The following ADORA2A variants were observed in gnomAD, a reference collection of about 807,000 sequenced individuals.
ADORA2A encodes the protein adenosine A2a receptor, also known as adenosine receptor A2a.
ADORA2A carries 11 observed loss-of-function variants against 18.4 expected under a neutral mutation model. That is an observed-to-expected ratio of 0.60 (90% CI 0.38 to 0.99). The LOEUF (loss-of-function observed/expected upper bound fraction) is 0.99, where lower values mean the gene tolerates loss of function less well. Ranked by LOEUF, ADORA2A falls within the 50% of genes least tolerant of loss-of-function variation. The pLI, the probability that ADORA2A is intolerant of heterozygous loss-of-function variation, is 0.01. For missense variants in ADORA2A, 449 were observed against 556.1 expected, an observed-to-expected ratio of 0.81 and a Z score of 1.94; for synonymous variants, 218 against 237.3, an observed-to-expected ratio of 0.92 and a Z score of 0.75.
At position 24,433,395 on chromosome 22, in the gene ADORA2A, G is replaced by A. The variant is rs767402407; in HGVS notation, c.-10G>A. 55 of 1,604,252 alleles carry A rather than the reference G, an allele frequency of 3.4e-5. No individual in the cohort carries two copies. Among genetic ancestry groups the A allele is most frequent in the African/African-American group, 1.7e-4 (13 of 74,630 alleles). On this transcript the variant is annotated 5_prime_UTR_variant, in exon 2 of 3. Transcript: ENST00000337539. ...CGCGTCCGTGCTGAGCCTGCCTGTC[G>A]TCTGTGGCCATGCCCATCATGGGCT...
Position 24,441,097 on chromosome 22 carries a change from G to T in ADORA2A, c.847G>T (p.Val283Leu). 6.2e-7 allele frequency: 1 copy of T among 1,614,166 alleles called. No individual in the cohort carries two copies. Among genetic ancestry groups the T allele is most frequent in the Non-Finnish European group, 8.5e-7 (1 of 1,180,040 alleles). Reference sequence around the variant, plus strand: ...CGTCCTCTCCCACACCAATTCGGTTGTGAATCCCTTCATCTACGCCTACCG... The same window carrying T: ...CGTCCTCTCCCACACCAATTCGGTTTTGAATCCCTTCATCTACGCCTACCG... ...AIVLSHTNSV[V>L]NPFIYAYRIR... The change falls in exon 3 of 3, where the codon GTG becomes TTG. Residue 283 changes from valine (V) to leucine (L), a missense_variant. By Grantham distance (32) the Val-to-Leu change is conservative (BLOSUM62 1). Transcript: ENST00000337539.
intron 2 of ADORA2A, among the ~76,000 whole-genome samples, chr22:24,436,455 TCAGGGAACCTGTTGGGCTAGCA>T (rs1391936435): frequency 1.3e-5 from 2 of 152,226 alleles, no homozygotes; most frequent in Non-Finnish European, 2.9e-5. Context: ...TTTTCCAAGT[TCAGGGAACCTGTTGGGCTAGCA>T]CAGGGCCTAG....
Position 24,441,798 on chromosome 22 carries a change from TC to T in ADORA2A, c.*310del, listed in dbSNP as rs2043350783. The stretch of plus-strand genomic sequence containing the variant: ...AGAAGCATCTGGAAGCACCACCTTG[TC>T]TCCACAGAGCAGCTTGGGCACAGCA... On this transcript the variant is annotated 3_prime_UTR_variant, in exon 3 of 3. Transcript: ENST00000337539. The T allele has an allele frequency of 7.6e-6, 2 of 263,412 alleles. No individual in the cohort carries two copies. Among genetic ancestry groups the T allele is most frequent in the Non-Finnish European group, 1.5e-5 (2 of 137,210 alleles). 16.3% of individuals were successfully genotyped at this position (263,412 alleles called of 1,614,324 possible).
At chr22:24,425,384 G>A (rs933173125), upstream of ADORA2A, among the ~76,000 whole-genome samples, 1 of 136,454 alleles carries the variant, frequency 7.3e-6, no homozygotes, top group Non-Finnish European at 1.5e-5. Context: ...TGGCAGGGGC[G>A]CCTCACAGGC....
Position 24,441,458 on chromosome 22 carries a change from C to A in ADORA2A, c.1208C>A (p.Pro403His). Residue 403 changes from proline (P) to histidine (H), a missense_variant, in exon 3 of 3, where the codon CCC (proline) becomes CAC (histidine). Transcript: ENST00000337539. Reference sequence around the variant, plus strand: ...CCAGAGCCCCCTGGCCTAGATGACCCCCTGGCCCAGGATGGAGCAGGAGTG... The same window carrying A: ...CCAGAGCCCCCTGGCCTAGATGACCACCTGGCCCAGGATGGAGCAGGAGTG... ...VCPEPPGLDD[P>H]LAQDGAGVS 1.3e-6 allele frequency: 2 copies of A among 1,518,648 alleles called. No individual in the cohort carries two copies. The highest frequency in any genetic ancestry group is 1.8e-6 in the Non-Finnish European group (2 of 1,135,432). The allele number at this position is 1,518,648 out of a possible 1,614,324, so 94.1% of individuals were successfully genotyped here. A position where few individuals can be genotyped will look rare whatever the true frequency, so the allele number is the denominator to read the frequency against.
upstream of ADORA2A, chr22:24,423,778 T>G (rs2042885560): frequency 6.6e-6 from 1 of 151,962 alleles, no homozygotes; most frequent in Non-Finnish European, 1.5e-5. Context: ...CAGGATCGCC[T>G]GCGGGCCTCG....
chr22:24,441,418 C>A lies in ADORA2A; in HGVS notation c.1168C>A (p.Leu390Ile). The A allele has an allele frequency of 6.5e-7, 1 of 1,539,152 alleles. No individual in the cohort carries two copies. Among genetic ancestry groups the A allele is most frequent in the Non-Finnish European group, 8.7e-7 (1 of 1,145,856 alleles). Reference protein sequence around the residue: ...LPDVELLSHELKGVCPEPPGL... With the variant: ...LPDVELLSHEIKGVCPEPPGL... ...AGACGTGGAGCTCCTTAGCCATGAG[C>A]TCAAGGGAGTGTGCCCAGAGCCCCC... The change falls in exon 3 of 3, where the codon CTC becomes ATC. Residue 390 changes from leucine (L) to isoleucine (I), a missense_variant. Leu to Ile is a conservative substitution (Grantham distance 5). Transcript: ENST00000337539.
intron 2 of ADORA2A, among the ~76,000 whole-genome samples, chr22:24,436,813 G>A (rs1315368656): frequency 6.6e-6 from 1 of 152,150 alleles, no homozygotes; most frequent in Non-Finnish European, 1.5e-5. Flanking sequence ...GGGTCTCACT[G>A]GCATGAGTGT....
intron 2 of ADORA2A, among the ~76,000 whole-genome samples, chr22:24,435,895 G>A (rs1435389297): frequency 1.3e-5 from 2 of 151,624 alleles, no homozygotes; most frequent in Non-Finnish European, 2.9e-5. Context: ...TCTGCAGGGG[G>A]CCCTGGAGAG....
chr22:24,426,492 C>G (rs1169419383), upstream of ADORA2A, among the ~76,000 whole-genome samples: 2 of 152,158 alleles, frequency 1.3e-5, no homozygotes, highest in African/African-American at 4.8e-5. Flanking sequence ...GGGCCATTGA[C>G]AGGAGGGGCT....
chr22:24,434,704 TGG>T (rs1431510968), intron 2 of ADORA2A, among the ~76,000 whole-genome samples: 13 of 152,140 alleles, frequency 8.5e-5, no homozygotes, highest in African/African-American at 1.9e-4. Flanking sequence ...CTGAAACTGG[TGG>T]GTGCCTATCT....
intron 2 of ADORA2A, among the ~76,000 whole-genome samples, chr22:24,436,432 GA>G (rs1348120201): frequency 1.3e-5 from 2 of 152,234 alleles, no homozygotes; most frequent in East Asian, 3.9e-4. Context: ...CTCAGTTTTG[GA>G]AAAATCTGTT....
At chr22:24,427,247 T>A (rs2042928157), upstream of ADORA2A, among the ~76,000 whole-genome samples, 1 of 152,134 alleles carries the variant, frequency 6.6e-6, no homozygotes, top group Admixed American at 6.5e-5. Flanking sequence ...GAAGAAGCAG[T>A]GGCCAGGCTC....
rs1281518244 is a variant in ADORA2A, at chr22:24,433,224, G to T, written c.-181G>T. The T allele has an allele frequency of 8.1e-6, 5 of 617,960 alleles. No individual in the cohort carries two copies. In the Admixed American group the frequency reaches 1.2e-4, roughly 15 times the overall value. The allele number at this position is 617,960 out of a possible 1,614,324, so 38.3% of individuals were successfully genotyped here. ...TTTCAGGAGACTCAGAGTCCTCTGT[G>T]AAAAAGCCCTTGGAGAGCGCCCCAG... On this transcript the variant is annotated 5_prime_UTR_variant, in exon 2 of 3. An upstream open reading frame in the 5' UTR loses its in-frame stop. Transcript: ENST00000337539.
chr22:24,427,990 G>A (rs754234755), intron 1 of ADORA2A, among the ~76,000 whole-genome samples: 3 of 152,194 alleles, frequency 2.0e-5, no homozygotes, highest in Admixed American at 1.3e-4. Flanking sequence ...CCCGGGCTGT[G>A]GGGGAGGGAT....
chr22:24,430,561 C>T (rs1277828330), intron 1 of ADORA2A, among the ~76,000 whole-genome samples: 1 of 152,238 alleles, frequency 6.6e-6, no homozygotes, highest in African/African-American at 2.4e-5. Context: ...TCAGGCTTCT[C>T]CCAAACTGGG....
intron 1 of ADORA2A, chr22:24,431,736 TA>T: frequency 2.9e-6 from 1 of 349,192 alleles, no homozygotes; most frequent in South Asian, 2.2e-5. Flanking sequence ...AGGGGCAATT[TA>T]ACGGGCAGAG....
At chr22:24,425,519 T>C (rs1295936467), upstream of ADORA2A, among the ~76,000 whole-genome samples, 4 of 152,174 alleles carry the variant, frequency 2.6e-5, no homozygotes, top group South Asian at 2.1e-4. Flanking sequence ...CCGTGTCCCC[T>C]GTTTCCCCAG....
At chr22:24,435,694 C>T (rs776422002) in intron 2 of ADORA2A, among the ~76,000 whole-genome samples, 1 of 152,060 alleles carries the variant, frequency 6.6e-6, no homozygotes, top group Non-Finnish European at 1.5e-5. Context: ...GATGGGGTGA[C>T]AGGGACCCTG....
Sources: allele counts gnomAD v4.1 joint callset (sites outside exome capture counted in the v4.1 genomes callset), GRCh38; gene constraint gnomAD v4.1.1; transcripts MANE v1.5; gene names NCBI Gene and HGNC (gene_info 2026-07-23, HGNC 2026-07-21).